The following ENPP2 variants were observed in gnomAD, a reference collection of about 807,000 sequenced individuals.
The protein encoded by ENPP2 is ectonucleotide pyrophosphatase/phosphodiesterase 2.
ENPP2 carries 51 observed loss-of-function variants against 120.2 expected under a neutral mutation model. The observed-to-expected ratio is 0.42, with a 90% CI of 0.34 to 0.54. ENPP2 has a LOEUF of 0.54. Among genes scored for constraint, ENPP2 ranks in the 20% least tolerant of loss-of-function variants. The probability of loss-of-function intolerance (pLI) is 0.04; values close to 1 mark genes in which losing one functional copy is unlikely to be tolerated. For synonymous variants in ENPP2, 365 were observed against 366.4 expected, an observed-to-expected ratio of 1.00 and a Z score of 0.04; for missense variants, 920 against 1,066.5, an observed-to-expected ratio of 0.86 and a Z score of 1.91.
intron 2 of ENPP2, among the ~76,000 whole-genome samples, chr8:119,636,782 A>AT (rs34469483): frequency 0.076 from 11,281 of 147,748 alleles, 568 homozygotes; most frequent in Middle Eastern, 0.2. Flanking sequence ...AATTCCTGGG[A>AT]TTTTTTTTTT....
chr8:119,651,097 C>G (rs1262236487), intron 1 of ENPP2, among the ~76,000 whole-genome samples: 2 of 152,036 alleles, frequency 1.3e-5, no homozygotes, highest in African/African-American at 2.4e-5. Flanking sequence ...GCTAAAGGAC[C>G]TCTGACAGGG....
chr8:119,619,414 TAAC>T, intron 4 of ENPP2, 110 bp from the exon 5 acceptor site: 1 of 494,946 alleles, frequency 2.0e-6, no homozygotes. Context: ...TTATGGGATA[TAAC>T]AAAAAAAAAA....
intron 23 of ENPP2, among the ~76,000 whole-genome samples, chr8:119,564,388 TA>T (rs1814222065): frequency 6.6e-6 from 1 of 152,044 alleles, no homozygotes; most frequent in African/African-American, 2.4e-5. Flanking sequence ...AAAGAATTGA[TA>T]AATTCAGGCT....
intron 6 of ENPP2, 38 bp downstream of exon 6, chr8:119,617,428 G>T: frequency 7.0e-7 from 1 of 1,419,790 alleles, no homozygotes; most frequent in Non-Finnish European, 9.9e-7. Flanking sequence ...GGAGATCCTA[G>T]ATTACAGATA....
At chr8:119,612,814 C>T (rs1019740607) in intron 8 of ENPP2, among the ~76,000 whole-genome samples, 2 of 152,026 alleles carry the variant, frequency 1.3e-5, no homozygotes, top group Non-Finnish European at 1.5e-5. Context: ...TGCTTGAGCC[C>T]GAGAGGCTGA....
chr8:119,574,889 T>C (rs1231976219), intron 19 of ENPP2, among the ~76,000 whole-genome samples: 2 of 152,198 alleles, frequency 1.3e-5, no homozygotes, highest in Admixed American at 6.5e-5. Context: ...TTAAGGCCTC[T>C]CTTTAGTGCC....
At chr8:119,575,988 CCTT>C (rs1812307683) in intron 19 of ENPP2, among the ~76,000 whole-genome samples, 1 of 152,190 alleles carries the variant, frequency 6.6e-6, no homozygotes. Context: ...AATGCTATCT[CCTT>C]CTTTCTCTAG....
intron 22 of ENPP2, among the ~76,000 whole-genome samples, chr8:119,567,136 G>T (rs1045273958): frequency 6.6e-6 from 1 of 152,136 alleles, no homozygotes; most frequent in African/African-American, 2.4e-5. Context: ...AGCACATAGA[G>T]GTGCTTCCTT....
At chr8:119,650,275 C>T (rs1817590410) in intron 1 of ENPP2, among the ~76,000 whole-genome samples, 1 of 152,132 alleles carries the variant, frequency 6.6e-6, no homozygotes, top group Non-Finnish European at 1.5e-5. Flanking sequence ...TATAAAACAT[C>T]TAGAAGAGGC....
At position 119,587,071 on chromosome 8, in the gene ENPP2, G is replaced by T. The variant is rs143559494; in HGVS notation, c.1212C>A (p.Asp404Glu). The T allele has an allele frequency of 4.9e-5, 79 of 1,608,204 alleles. No individual in the cohort carries two copies. The African/African-American group carries it at 8.1e-4, about 17-fold the overall frequency. ...TGAGATTGGCAATAATGGCTTTGGG[G>T]TCATCTGTTCAAAGAGAGGAGAAAG... Reference protein sequence around the residue: ...RSKFSNNAKYDPKAIIANLTC... With the variant: ...RSKFSNNAKYEPKAIIANLTC... Residue 404 changes from aspartate (D) to glutamate (E), a missense_variant, in exon 14 of 25, where the codon GAC becomes GAA. Asp to Glu is a conservative substitution (Grantham distance 45). Coordinates refer to ENST00000075322, the MANE Select transcript of ENPP2 (RefSeq NM_001040092.3).
chr8:119,605,430 A>ATGTG (rs573767269), intron 9 of ENPP2, among the ~76,000 whole-genome samples: 1,412 of 133,812 alleles, frequency 0.011, 18 homozygotes, highest in Non-Finnish European at 0.016. Context: ...GATACCATAT[A>ATGTG]TGTGTGTGTG....
chr8:119,594,662 G>T (rs935803316), intron 11 of ENPP2, among the ~76,000 whole-genome samples: 3 of 152,112 alleles, frequency 2.0e-5, no homozygotes, highest in Middle Eastern at 3.2e-3. Flanking sequence ...CATACTAGAG[G>T]CTCTCCATCC....
intron 2 of ENPP2, among the ~76,000 whole-genome samples, chr8:119,630,096 T>C (rs960237137): frequency 6.6e-6 from 1 of 152,044 alleles, no homozygotes; most frequent in Non-Finnish European, 1.5e-5. Context: ...TCATCATCAT[T>C]TCTTCCCTAT....
chr8:119,646,331 G>C (rs983097450), intron 1 of ENPP2, among the ~76,000 whole-genome samples: 1 of 152,068 alleles, frequency 6.6e-6, no homozygotes, highest in Non-Finnish European at 1.5e-5. Flanking sequence ...TCAAAGTATG[G>C]TCCCTGGATG....
Position 119,557,794 on chromosome 8 carries a change from C to A in ENPP2, c.2422-103G>T, listed in dbSNP as rs1039925958. ...CACAAATGACCTCTGTGCACTCTTG[C>A]ACACAGAGCCAACGCATGTTGATCC... On this transcript the variant is annotated intron_variant, in intron 24 of 24. Transcript: ENST00000075322. The A allele has an allele frequency of 2.7e-5, 25 of 924,124 alleles. No individual in the cohort carries two copies. In the South Asian group the frequency reaches 4.2e-4, roughly 16 times the overall value. 57.2% of individuals were successfully genotyped at this position (924,124 alleles called of 1,614,324 possible).
intron 9 of ENPP2, among the ~76,000 whole-genome samples, chr8:119,606,732 G>C (rs371481562): frequency 3.9e-5 from 6 of 151,936 alleles, no homozygotes; most frequent in African/African-American, 1.5e-4. Flanking sequence ...TGATTTTAGA[G>C]AGTATAGACA....
chr8:119,656,313 T>C (rs1563776410), intron 1 of ENPP2, among the ~76,000 whole-genome samples: 1 of 152,174 alleles, frequency 6.6e-6, no homozygotes, highest in East Asian at 1.9e-4. Flanking sequence ...TTCTCCCAAC[T>C]ACAACACAAT....
rs374030764 is a variant in ENPP2, at chr8:119,569,254, G to A, written c.2034C>T (p.Tyr678=). Residue 678 remains tyrosine, a synonymous_variant, in exon 21 of 25, where the codon TAC becomes TAT. Coordinates refer to ENST00000075322, the MANE Select transcript of ENPP2 (RefSeq NM_001040092.3). ...ACTTACAAGGAGGAAAGAGGAATCC[G>A]TAGGACATCTGCTTATCATTTTTGT... ...LAYKNDKQMS[Y]GFLFPPYLSS... is the part of the protein sequence containing the mutation. 92 of 1,613,872 alleles carry A rather than the reference G, an allele frequency of 5.7e-5. No homozygotes were observed. Among genetic ancestry groups the A allele is most frequent in the Non-Finnish European group, 7.0e-5 (83 of 1,179,908 alleles).
chr8:119,568,321 G>T, intron 21 of ENPP2, 69 bp from the exon 22 acceptor site: 1 of 829,220 alleles, frequency 1.2e-6, no homozygotes, highest in South Asian at 1.5e-5. Flanking sequence ...AAAAAAGGGA[G>T]AGGGGGGTAG....
Sources: allele counts gnomAD v4.1 joint callset (sites outside exome capture counted in the v4.1 genomes callset), GRCh38; gene constraint gnomAD v4.1.1; transcripts MANE v1.5; gene names NCBI Gene and HGNC (gene_info 2026-07-23, HGNC 2026-07-21).